Variants in ANKRD17 observed in about 807,000 individuals in gnomAD.
ANKRD17 encodes the protein ankyrin repeat domain-containing protein 17.
A neutral mutation model predicts 229.7 loss-of-function variants in ANKRD17; 19 were observed. The observed-to-expected ratio is 0.08, with a 90% confidence interval of 0.06 to 0.12. ANKRD17 has a LOEUF of 0.12. Ranked by LOEUF, ANKRD17 falls within the 10% of genes least tolerant of loss-of-function variation. ANKRD17 has a pLI of 1.00. For missense variants in ANKRD17, 2,176 were observed against 3,176.8 expected (o/e 0.68, Z 7.57); for synonymous variants, 1,112 against 1,146.1 (o/e 0.97, Z 0.60).
intron 25 of ANKRD17, among the ~76,000 whole-genome samples, chr4:73,100,314 T>C (rs1463476422): frequency 6.6e-6 from 1 of 152,096 alleles, no homozygotes; most frequent in East Asian, 1.9e-4. Flanking sequence ...CCTAGGATGC[T>C]GCAGCAGAGT....
chr4:73,117,648 A>G (rs868436048), intron 22 of ANKRD17, among the ~76,000 whole-genome samples: 3 of 152,340 alleles, frequency 2.0e-5, no homozygotes, highest in Middle Eastern at 6.8e-3. Flanking sequence ...GAGAAAAAGG[A>G]AGAAATAGCT....
At position 73,118,845 on chromosome 4, in the gene ANKRD17, G is replaced by A; in HGVS notation, c.4031C>T (p.Ala1344Val). Residue 1344 changes from alanine to valine, a missense_variant, in exon 22 of 34, where the codon GCT becomes GTT. Physicochemically the swap from Ala to Val is moderately conservative, Grantham distance 64 (BLOSUM62 0). This residue lies in a region of ANKRD17 where 178 missense variants were observed against 421.7 expected (regional missense o/e 0.42). Coordinates refer to ENST00000358602, the MANE Select transcript of ANKRD17 (RefSeq NM_032217.5). ...CTTCTTGTTACGTACATCAATATGAGCTCCCCTAAAAACCAATGACACAGA... is the reference window on the plus strand; with the variant it reads ...CTTCTTGTTACGTACATCAATATGAACTCCCCTAAAAACCAATGACACAGA... ...KFCELLIGRG[A>V]HIDVRNKKGN... The A allele has an allele frequency of 6.3e-7, 1 of 1,592,076 alleles. No homozygotes were observed. Among genetic ancestry groups the A allele is most frequent in the Non-Finnish European group, 8.6e-7 (1 of 1,165,822 alleles).
intron 1 of ANKRD17, among the ~76,000 whole-genome samples, chr4:73,196,694 A>G (rs1737932473): frequency 6.6e-6 from 1 of 152,216 alleles, no homozygotes; most frequent in African/African-American, 2.4e-5. Context: ...TTATCCATTC[A>G]GCAACTATTT....
rs561053414 is a variant in ANKRD17, at chr4:73,221,764, C to T, written c.393+36512G>A. Among the ~76,000 whole-genome samples the T allele has an allele frequency of 6.6e-5, 10 of 152,226 alleles. No homozygotes were observed. The East Asian group carries it at 1.9e-3, about 29-fold the overall frequency. On this transcript the variant is annotated intron_variant, in intron 1 of 33. Transcript: ENST00000358602. ...AAAATTAACCACAATTCAACTTAGA[C>T]CTAACAGCTTTTAGGAAAGGGGAAA...
Position 73,090,713 on chromosome 4 carries a change from A to G in ANKRD17, c.6915T>C (p.Ala2305=), listed in dbSNP as rs1341441869. ...DPLHQSDTSK[A]PGFRPPLQRP... ...TCTGTAATGGTGGTCTAAAACCTGG[A>G]GCTTTGGAAGTATCAGACTGATGTA... is the stretch of plus-strand genomic sequence containing the variant. Residue 2305 remains alanine, a synonymous_variant, in exon 29 of 34, where the codon GCT becomes GCC. Coordinates refer to ENST00000358602, the MANE Select transcript of ANKRD17 (RefSeq NM_032217.5). 2 of 1,614,182 alleles carry G rather than the reference A, an allele frequency of 1.2e-6. No individual in the cohort carries two copies. Among genetic ancestry groups the G allele is most frequent in the Non-Finnish European group, 1.7e-6 (2 of 1,180,030 alleles).
At position 73,140,165 on chromosome 4, in the gene ANKRD17, T is replaced by C; in HGVS notation, c.2451A>G (p.Glu817=). 6.2e-7 allele frequency: 1 copy of C among 1,614,184 alleles called. No homozygotes were observed. The change falls in exon 15 of 34, where the codon GAA becomes GAG. Residue 817 remains glutamate, a synonymous_variant. Coordinates refer to ENST00000358602, the MANE Select transcript of ANKRD17 (RefSeq NM_032217.5). ...IVEEAQGKLT[E]LEQRIKEAIE... Reference sequence around the variant, plus strand: ...TGGCTTCTTTTATCCTCTGTTCCAGTTCTGTTAACTTTCCCTGAGCCTCTT... The same window carrying C: ...TGGCTTCTTTTATCCTCTGTTCCAGCTCTGTTAACTTTCCCTGAGCCTCTT...
At chr4:73,113,200 G>A in intron 24 of ANKRD17, 1 of 1,288,290 alleles carries the variant, frequency 7.8e-7, no homozygotes, top group Non-Finnish European at 1.0e-6. Context: ...AATTATAGGG[G>A]AAAATGTGGC....
intron 1 of ANKRD17, among the ~76,000 whole-genome samples, chr4:73,201,740 A>T (rs901844376): frequency 6.6e-6 from 1 of 152,222 alleles, no homozygotes; most frequent in Non-Finnish European, 1.5e-5. Flanking sequence ...ATTAGGAATA[A>T]CCTGAAACAG....
intron 1 of ANKRD17, among the ~76,000 whole-genome samples, chr4:73,198,865 C>T (rs1738253417): frequency 6.6e-6 from 1 of 152,070 alleles, no homozygotes; most frequent in Non-Finnish European, 1.5e-5. Context: ...ACAAAATAAA[C>T]TACAAATGTC....
At position 73,139,961 on chromosome 4, in the gene ANKRD17, T is replaced by C. The variant is rs1284365058; in HGVS notation, c.2655A>G (p.Lys885=). 1 of 1,614,176 alleles carries C rather than the reference T, an allele frequency of 6.2e-7. No homozygotes were observed. Among genetic ancestry groups the C allele is most frequent in the East Asian group, 2.2e-5 (1 of 44,880 alleles). The change falls in exon 15 of 34, where the codon AAA becomes AAG. Residue 885 remains lysine (K), a synonymous_variant. Coordinates refer to ENST00000358602, the MANE Select transcript of ANKRD17 (RefSeq NM_032217.5). ...ELQLKTQQQL[K]KQYLEVKAQR... ...GAGCTTTAACCTCTAGATACTGCTTTTTTAGCTGCTGCTGAGTTTTCAGTT... is the reference window on the plus strand; with the variant it reads ...GAGCTTTAACCTCTAGATACTGCTTCTTTAGCTGCTGCTGAGTTTTCAGTT...
intron 29 of ANKRD17, among the ~76,000 whole-genome samples, chr4:73,086,919 AATATATATATATATATATAT>A (rs61024099): frequency 2.4e-4 from 3 of 12,464 alleles, no homozygotes; most frequent in Non-Finnish European, 5.3e-4. Flanking sequence ...AAAAAAAAAA[AATATATATATATATATATAT>A]ATATATATAT....
rs1215425221 is a variant in ANKRD17, at chr4:73,091,381, G to A, written c.6247C>T (p.Pro2083Ser). 2 of 1,614,008 alleles carry A rather than the reference G, an allele frequency of 1.2e-6. No homozygotes were observed. The highest frequency in any genetic ancestry group is 1.7e-6 in the Non-Finnish European group (2 of 1,180,044). ...SSSEQEAGSPPVVETTNTRPP... is the reference protein window; with the variant it reads ...SSSEQEAGSPSVVETTNTRPP... ...CTAGTGTTTGTTGTTTCTACTACTG[G>A]TGGACTACCTGCTTCCTGTTCGGAG... The change falls in exon 29 of 34, where the codon CCA (proline) becomes TCA (serine). Residue 2083 changes from proline to serine, a missense_variant. Around this residue, in one of 18 missense-constraint regions of ANKRD17, gnomAD observed 424 missense variants for 454.0 expected, o/e 0.93. Coordinates refer to ENST00000358602, the MANE Select transcript of ANKRD17 (RefSeq NM_032217.5).
intron 1 of ANKRD17, among the ~76,000 whole-genome samples, chr4:73,198,395 A>G (rs1008272641): frequency 6.6e-6 from 1 of 152,176 alleles, no homozygotes; most frequent in Non-Finnish European, 1.5e-5. Flanking sequence ...TGTATACCCA[A>G]TGGCTCTGTG....
chr4:73,156,819 T>A (rs527697505), intron 3 of ANKRD17, among the ~76,000 whole-genome samples: 1 of 152,290 alleles, frequency 6.6e-6, no homozygotes, highest in East Asian at 1.9e-4. Context: ...CTTTTCTTCA[T>A]AAATTATCCA....
At chr4:73,241,698 A>G (rs1323474046) in intron 1 of ANKRD17, among the ~76,000 whole-genome samples, 4 of 152,178 alleles carry the variant, frequency 2.6e-5, no homozygotes, top group Admixed American at 2.0e-4. Context: ...TCTTTACAAA[A>G]CTGATGTAAG....
intron 11 of ANKRD17, among the ~76,000 whole-genome samples, chr4:73,143,435 C>G (rs1432058809): frequency 6.6e-6 from 1 of 152,112 alleles, no homozygotes; most frequent in Non-Finnish European, 1.5e-5. Context: ...TGACCTCTAT[C>G]CCTAATTTGG....
rs769505649 is a variant in ANKRD17, at chr4:73,146,773, G to T, written c.1860C>A (p.Gly620=). The change falls in exon 10 of 34, where the codon GGC becomes GGA. Residue 620 remains glycine (G), a synonymous_variant. Coordinates refer to ENST00000358602, the MANE Select transcript of ANKRD17 (RefSeq NM_032217.5). ...AAGTAACATAGCTTACCAGATCTGCGCCTGCCTGAAGTAAGACATCTGCTA... is the reference window on the plus strand; with the variant it reads ...AAGTAACATAGCTTACCAGATCTGCTCCTGCCTGAAGTAAGACATCTGCTA... The part of the protein sequence containing the change: ...TDVADVLLQA[G]ADLEHESEGG... 1 of 1,603,936 alleles carries T rather than the reference G, an allele frequency of 6.2e-7. No homozygotes were observed. The highest frequency in any genetic ancestry group is 1.7e-5 in the Admixed American group (1 of 59,724).
At chr4:73,250,770 G>A (rs957066155) in intron 1 of ANKRD17, among the ~76,000 whole-genome samples, 3 of 151,330 alleles carry the variant, frequency 2.0e-5, no homozygotes, top group Non-Finnish European at 4.4e-5. Flanking sequence ...GCAAGGGCGC[G>A]ATCTCTGCTC....
At chr4:73,216,304 A>G (rs1367988175) in intron 1 of ANKRD17, among the ~76,000 whole-genome samples, 1 of 152,114 alleles carries the variant, frequency 6.6e-6, no homozygotes, top group Non-Finnish European at 1.5e-5. Flanking sequence ...TTCAACTTTA[A>G]TTTTAATTTT....
Sources: allele counts gnomAD v4.1 joint callset (sites outside exome capture counted in the v4.1 genomes callset), GRCh38; gene constraint gnomAD v4.1.1; regional missense constraint gnomAD v4.1.1; transcripts MANE v1.5; gene names NCBI Gene and HGNC (gene_info 2026-07-23, HGNC 2026-07-21).